ANO2: variants seen among roughly 807,000 people sequenced by gnomAD.
The protein encoded by ANO2 is anoctamin-2.
Under a neutral mutation model 124.2 loss-of-function variants are expected in ANO2, and 101 were observed. The observed-to-expected ratio is 0.81, with a 90% CI of 0.69 to 0.96. The LOEUF is 0.96. ANO2 is among the 40% of genes least tolerant of loss of function. The pLI is 0.00. For synonymous variants in ANO2, 486 were observed against 482.5 expected, an observed-to-expected ratio of 1.01 and a Z score of -0.09; for missense variants, 1,293 against 1,274.5, an observed-to-expected ratio of 1.01 and a Z score of -0.22.
chr12:5,864,054 C>T (rs1955354422), intron 3 of ANO2, among the ~76,000 whole-genome samples: 1 of 152,110 alleles, frequency 6.6e-6, no homozygotes, highest in South Asian at 2.1e-4. Flanking sequence ...GTACTCAAAG[C>T]ACAGGGCATA....
intron 4 of ANO2, among the ~76,000 whole-genome samples, chr12:5,839,181 A>G (rs923956231): frequency 7.9e-5 from 12 of 152,218 alleles, no homozygotes; most frequent in African/African-American, 2.9e-4. Flanking sequence ...GTGGAGCCCA[A>G]GAAACTCCCT....
intron 14 of ANO2, among the ~76,000 whole-genome samples, chr12:5,664,917 T>C (rs1461685278): frequency 5.3e-5 from 8 of 152,266 alleles, no homozygotes; most frequent in Admixed American, 4.6e-4. Flanking sequence ...ATGAAACTTT[T>C]TGGTGGCAAA....
At chr12:5,779,108 C>A (rs1296012440) in intron 10 of ANO2, among the ~76,000 whole-genome samples, 1 of 152,184 alleles carries the variant, frequency 6.6e-6, no homozygotes, top group African/African-American at 2.4e-5. Context: ...CCTTCTAGAT[C>A]CATCCAGGAT....
intron 4 of ANO2, among the ~76,000 whole-genome samples, chr12:5,847,445 C>CTGTGTGTGTG (rs35366359): frequency 5.1e-3 from 742 of 144,766 alleles, no homozygotes; most frequent in Non-Finnish European, 7.9e-3. Flanking sequence ...CATAACACCT[C>CTGTGTGTGTG]TGTGTGTGTG....
At chr12:5,700,350 A>G (rs1423002922) in intron 14 of ANO2, among the ~76,000 whole-genome samples, 1 of 152,178 alleles carries the variant, frequency 6.6e-6, no homozygotes, top group East Asian at 1.9e-4. Context: ...ACTGGGTACA[A>G]AACGAAATGA....
At chr12:5,858,227 T>A (rs1445034924) in intron 3 of ANO2, among the ~76,000 whole-genome samples, 1 of 152,228 alleles carries the variant, frequency 6.6e-6, no homozygotes, top group East Asian at 1.9e-4. Context: ...ACAGATACGC[T>A]AACTACCCTG....
At chr12:5,688,381 C>T (rs1948790711) in intron 14 of ANO2, among the ~76,000 whole-genome samples, 2 of 152,022 alleles carry the variant, frequency 1.3e-5, no homozygotes, top group Non-Finnish European at 2.9e-5. Context: ...CTGGTCACCC[C>T]TCTCTACTCT....
intron 16 of ANO2, among the ~76,000 whole-genome samples, chr12:5,630,180 G>C (rs1945641979): frequency 6.6e-6 from 1 of 152,160 alleles, no homozygotes; most frequent in East Asian, 1.9e-4. Context: ...TTTGCACCTG[G>C]TGAGCAAAGC....
At chr12:5,813,025 AAAG>A (rs1953482606) in intron 7 of ANO2, among the ~76,000 whole-genome samples, 1 of 150,756 alleles carries the variant, frequency 6.6e-6, no homozygotes, top group Non-Finnish European at 1.5e-5. Context: ...AGAAAGAAAA[AAAG>A]AAAGAGAAGA....
chr12:5,921,230 G>T lies in ANO2; in HGVS notation c.344C>A (p.Ala115Asp). Residue 115 changes from alanine to aspartate, a missense_variant, in exon 3 of 25, where the codon GCC becomes GAC. Ala to Asp is a moderately radical substitution (Grantham distance 126). Transcript: ENST00000682330. Reference sequence around the variant, plus strand: ...CAGCGAGTGGCCAGGGAAGCCTTGGGCCAGGTGCACCCCGCGTTTCCGGTA... The same window carrying T: ...CAGCGAGTGGCCAGGGAAGCCTTGGTCCAGGTGCACCCCGCGTTTCCGGTA... ...YHYRKRGVHL[A>D]QGFPGHSLAI... 2 of 1,613,956 alleles carry T rather than the reference G, an allele frequency of 1.2e-6. No individual in the cohort carries two copies. The highest frequency in any genetic ancestry group is 1.7e-6 in the Non-Finnish European group (2 of 1,179,860).
intron 7 of ANO2, among the ~76,000 whole-genome samples, chr12:5,824,687 T>C (rs760454912): frequency 6.6e-6 from 1 of 152,234 alleles, no homozygotes; most frequent in Non-Finnish European, 1.5e-5. Context: ...TCCACATTTT[T>C]GGGGTATCTT....
At chr12:5,671,214 T>C (rs144865746) in intron 14 of ANO2, among the ~76,000 whole-genome samples, 17,903 of 151,932 alleles carry the variant, frequency 0.12, 1,144 homozygotes, top group Middle Eastern at 0.2. Flanking sequence ...TCAAGAAATA[T>C]GGGGGTTCCT....
Position 5,710,827 on chromosome 12 carries a change from G to T in ANO2, c.1545+21693C>A, listed in dbSNP as rs556916316. 5.3e-5 allele frequency among the ~76,000 whole-genome samples: 8 copies of T among 152,252 alleles called. No individual in the cohort carries two copies. In the East Asian group the frequency reaches 1.4e-3, roughly 26 times the overall value. On this transcript the variant is annotated intron_variant, in intron 14 of 24. Coordinates refer to ENST00000682330, the MANE Select transcript of ANO2 (RefSeq NM_001364791.2). ...TAAAGAAAAAAAATAAACTGAGGCT[G>T]ATAGAGTATGAATGTTTGTCTCCTC...
chr12:5,695,449 T>A (rs1005540737), intron 14 of ANO2, among the ~76,000 whole-genome samples: 1 of 149,930 alleles, frequency 6.7e-6, no homozygotes, highest in Admixed American at 6.6e-5. Context: ...ACATCATACA[T>A]GCCACATTCT....
At chr12:5,583,882 C>T (rs1942924138) in intron 20 of ANO2, 1 of 202,308 alleles carries the variant, frequency 4.9e-6, no homozygotes, top group Non-Finnish European at 1.1e-5. Flanking sequence ...GATGGCATTC[C>T]CATCAAGAGC....
At chr12:5,924,462 C>T (rs902544243) in intron 1 of ANO2, among the ~76,000 whole-genome samples, 2 of 152,170 alleles carry the variant, frequency 1.3e-5, no homozygotes, top group African/African-American at 4.8e-5. Flanking sequence ...GGGTGGGTAG[C>T]TTCTGAAAGG....
chr12:5,866,674 A>G (rs1358081292), intron 3 of ANO2, among the ~76,000 whole-genome samples: 1 of 152,236 alleles, frequency 6.6e-6, no homozygotes, highest in East Asian at 1.9e-4. Flanking sequence ...TGCAGCATGT[A>G]GAGACCAGCC....
At position 5,848,282 on chromosome 12, in the gene ANO2, G is replaced by A. The variant is rs543492352; in HGVS notation, c.633+5761C>T. 2.0e-5 allele frequency among the ~76,000 whole-genome samples: 3 copies of A among 152,200 alleles called. No homozygotes were observed. In the South Asian group the frequency reaches 6.2e-4, roughly 32 times the overall value. On this transcript the variant is annotated intron_variant, in intron 4 of 24. Transcript: ENST00000682330. ...TCTTGGCTACCAGAAAGCCCAGAAT[G>A]CAACTCTGTCTCTCCTGCATCCATC...
intron 3 of ANO2, among the ~76,000 whole-genome samples, chr12:5,898,856 C>A (rs1223199175): frequency 6.6e-6 from 1 of 152,150 alleles, no homozygotes; most frequent in Non-Finnish European, 1.5e-5. Context: ...CCAAGTTGTA[C>A]AATAAAAATT....
Sources: allele counts gnomAD v4.1 joint callset (sites outside exome capture counted in the v4.1 genomes callset), GRCh38; gene constraint gnomAD v4.1.1; transcripts MANE v1.5; gene names NCBI Gene and HGNC (gene_info 2026-07-23, HGNC 2026-07-21).